NTRK3: variants seen among roughly 807,000 people sequenced by gnomAD.
NTRK3 encodes the protein neurotrophic receptor tyrosine kinase 3.
Under a neutral mutation model 91.7 loss-of-function variants are expected in NTRK3, and 24 were observed. The observed-to-expected ratio is 0.26, with a 90% CI of 0.19 to 0.37. The LOEUF is 0.37. Ranked by LOEUF, NTRK3 falls within the 10% of genes least tolerant of loss-of-function variation. NTRK3 has a pLI of 1.00. For synonymous variants in NTRK3, 483 were observed against 404.0 expected (o/e 1.20, Z -2.34); for missense variants, 880 against 1,068.9 (o/e 0.82, Z 2.46).
intron 3 of NTRK3, among the ~76,000 whole-genome samples, chr15:88,229,084 G>T (rs2050942994): frequency 6.6e-6 from 1 of 152,182 alleles, no homozygotes; most frequent in Non-Finnish European, 1.5e-5. Context: ...CTCCACCCTT[G>T]ACATAGCTGA....
At chr15:88,133,649 A>G (rs1567490597) in intron 10 of NTRK3, among the ~76,000 whole-genome samples, 1 of 152,194 alleles carries the variant, frequency 6.6e-6, no homozygotes, top group South Asian at 2.1e-4. Flanking sequence ...TGTAGACCAT[A>G]AGAGCAAAAT....
chr15:88,071,092 C>T (rs1395563831), intron 13 of NTRK3, among the ~76,000 whole-genome samples: 6 of 152,230 alleles, frequency 3.9e-5, no homozygotes, highest in Non-Finnish European at 7.3e-5. Context: ...AACTCATCTT[C>T]ACTGAGTCTA....
At chr15:87,984,069 G>C (rs1022051426) in intron 14 of NTRK3, among the ~76,000 whole-genome samples, 13 of 152,304 alleles carry the variant, frequency 8.5e-5, no homozygotes, top group African/African-American at 3.1e-4. Flanking sequence ...AGGGAGTTCA[G>C]CCTAGAGAGG....
intron 13 of NTRK3, among the ~76,000 whole-genome samples, chr15:88,097,942 CAG>C (rs2049790823): frequency 6.6e-6 from 1 of 152,206 alleles, no homozygotes. Context: ...ACTTCGGTAA[CAG>C]AGAACCAAGA....
intron 5 of NTRK3, among the ~76,000 whole-genome samples, chr15:88,153,324 C>A (rs879398091): frequency 2.6e-5 from 4 of 152,140 alleles, no homozygotes; most frequent in Non-Finnish European, 5.9e-5. Context: ...CTCACTGCAA[C>A]CTCCGCCTCC....
chr15:88,148,225 C>A (rs2043058514), intron 5 of NTRK3, among the ~76,000 whole-genome samples: 1 of 152,206 alleles, frequency 6.6e-6, no homozygotes, highest in Non-Finnish European at 1.5e-5. Flanking sequence ...AAGGCAAACA[C>A]AGACTCTTGT....
chr15:88,247,333 T>C (rs1313174107), intron 3 of NTRK3, among the ~76,000 whole-genome samples: 1 of 152,212 alleles, frequency 6.6e-6, no homozygotes, highest in African/African-American at 2.4e-5. Context: ...GGGCCCTTCG[T>C]TCTGGGCTGC....
chr15:87,860,340 T>G (rs915777017), exon 19 of NTRK3: 7 of 216,474 alleles, frequency 3.2e-5, no homozygotes, highest in African/African-American at 1.4e-4. Context: ...AAAAAATAAT[T>G]TTTTGTTTTC....
At chr15:87,886,707 TACAC>T (rs1199661735) in intron 17 of NTRK3, among the ~76,000 whole-genome samples, 8 of 140,228 alleles carry the variant, frequency 5.7e-5, no homozygotes, top group Non-Finnish European at 9.2e-5. Flanking sequence ...TATACATATA[TACAC>T]ACACACACAT....
exon 19 of NTRK3, chr15:87,861,512 A>G (rs1354737517): frequency 5.1e-6 from 1 of 197,702 alleles, no homozygotes; most frequent in Non-Finnish European, 1.0e-5. Context: ...TCTGCTGTAG[A>G]CCTAGCTGTA....
exon 8 of NTRK3, chr15:88,136,564 T>C (rs2041895767): frequency 6.2e-7 from 1 of 1,613,734 alleles, no homozygotes; most frequent in Non-Finnish European, 8.5e-7. Context: ...GTTGTCACCC[T>C]CTCGTACGGT....
intron 3 of NTRK3, among the ~76,000 whole-genome samples, chr15:88,249,632 C>A (rs770904837): frequency 6.6e-6 from 1 of 152,088 alleles, no homozygotes. Flanking sequence ...CACTTAGAGG[C>A]GGCGGAAATG....
At chr15:87,962,558 G>A (rs2072398994) in intron 14 of NTRK3, among the ~76,000 whole-genome samples, 1 of 152,180 alleles carries the variant, frequency 6.6e-6, no homozygotes, top group Non-Finnish European at 1.5e-5. Flanking sequence ...CACCCCTTCA[G>A]ATTTCCTGTT....
chr15:88,186,096 C>T (rs572054422), intron 3 of NTRK3, among the ~76,000 whole-genome samples: 1 of 152,330 alleles, frequency 6.6e-6, no homozygotes, highest in African/African-American at 2.4e-5. Context: ...GTAGAACTAT[C>T]TGTGCCACCA....
At chr15:88,172,524 G>A (rs559200398) in intron 5 of NTRK3, among the ~76,000 whole-genome samples, 2 of 152,322 alleles carry the variant, frequency 1.3e-5, no homozygotes, top group South Asian at 4.1e-4. Flanking sequence ...ATTACACTGA[G>A]TTTTTGAAAG....
chr15:87,979,610 G>A (rs1040658304), intron 14 of NTRK3: 4 of 656,694 alleles, frequency 6.1e-6, no homozygotes, highest in Non-Finnish European at 1.1e-5. Flanking sequence ...ATAGGAGGAG[G>A]GGATTAACTT....
exon 19 of NTRK3, chr15:87,869,722 A>G: frequency 5.0e-6 from 1 of 200,720 alleles, no homozygotes; most frequent in East Asian, 7.7e-5. Flanking sequence ...TACAAATGGC[A>G]GAAATCAAAT....
At chr15:87,865,328 A>G (rs1219536898) in exon 19 of NTRK3, 2 of 210,608 alleles carry the variant, frequency 9.5e-6, no homozygotes, top group Non-Finnish European at 9.6e-6. Context: ...TTGTCATCAC[A>G]AACACCTGGG....
chr15:87,936,682 A>ACACG (rs1366760399), intron 15 of NTRK3, among the ~76,000 whole-genome samples: 2 of 152,154 alleles, frequency 1.3e-5, no homozygotes, highest in African/African-American at 4.8e-5. Flanking sequence ...TAAAACACAC[A>ACACG]CACGCACGCA....
Sources: allele counts gnomAD v4.1 joint callset (sites outside exome capture counted in the v4.1 genomes callset), GRCh38; gene constraint gnomAD v4.1.1; transcripts MANE v1.5; gene names NCBI Gene and HGNC (gene_info 2026-07-23, HGNC 2026-07-21).